The following PLXDC2 variants were observed in gnomAD, a reference collection of about 807,000 sequenced individuals.
PLXDC2 encodes the protein plexin domain-containing protein 2.
PLXDC2 carries 40 observed loss-of-function variants against 68.9 expected under a neutral mutation model. The ratio of observed to expected loss-of-function variants is 0.58; its 90% CI spans 0.45 to 0.76. The LOEUF (loss-of-function observed/expected upper bound fraction) is 0.76, where lower values mean the gene tolerates loss of function less well. PLXDC2 is among the 30% of genes least tolerant of loss of function. The pLI, the probability that PLXDC2 is intolerant of heterozygous loss-of-function variation, is 0.00. For synonymous variants in PLXDC2, 243 were observed against 234.2 expected (o/e 1.04, Z -0.34); for missense variants, 644 against 661.9 (o/e 0.97, Z 0.30).
chr10:20,093,462 A>G (rs1218288114), intron 4 of PLXDC2, among the ~76,000 whole-genome samples: 2 of 152,102 alleles, frequency 1.3e-5, no homozygotes, highest in African/African-American at 4.8e-5. Context: ...CTCCATAGGA[A>G]CTTTGGTTTC....
chr10:20,076,309 A>G (rs1836450102), intron 4 of PLXDC2, among the ~76,000 whole-genome samples: 1 of 152,236 alleles, frequency 6.6e-6, no homozygotes, highest in Non-Finnish European at 1.5e-5. Flanking sequence ...TTAGGCTTCC[A>G]GGTTAAGATA....
chr10:20,185,849 C>G (rs1158351337), intron 9 of PLXDC2, among the ~76,000 whole-genome samples: 1 of 151,846 alleles, frequency 6.6e-6, no homozygotes, highest in Admixed American at 6.6e-5. Context: ...CAACTTTAGG[C>G]TTATTTTAAT....
intron 1 of PLXDC2, among the ~76,000 whole-genome samples, chr10:19,817,628 C>T (rs1038385997): frequency 8.5e-5 from 13 of 152,150 alleles, no homozygotes; most frequent in Non-Finnish European, 1.6e-4. Flanking sequence ...GATTGCAGGT[C>T]TCCCCTCTGC....
At chr10:19,957,708 A>G (rs746014203) in intron 1 of PLXDC2, among the ~76,000 whole-genome samples, 3 of 152,098 alleles carry the variant, frequency 2.0e-5, no homozygotes, top group Non-Finnish European at 4.4e-5. Context: ...CACTGATTTG[A>G]TGGGCCCTTT....
At chr10:19,883,519 A>C (rs1490054053) in intron 1 of PLXDC2, among the ~76,000 whole-genome samples, 6 of 152,078 alleles carry the variant, frequency 3.9e-5, no homozygotes, top group Non-Finnish European at 5.9e-5. Context: ...TTCCTACATG[A>C]GTTTATAATG....
chr10:19,982,398 A>G (rs76946567), intron 1 of PLXDC2, among the ~76,000 whole-genome samples: 7,404 of 152,236 alleles, frequency 0.049, 194 homozygotes, highest in Non-Finnish European at 0.056. Flanking sequence ...ACACCTTCAC[A>G]GTCTTTCTTC....
At chr10:19,970,183 T>C (rs1834326755) in intron 1 of PLXDC2, among the ~76,000 whole-genome samples, 1 of 152,256 alleles carries the variant, frequency 6.6e-6, no homozygotes, top group South Asian at 2.1e-4. Context: ...CATTTTGCAT[T>C]ATTGGCTTTG....
intron 1 of PLXDC2, among the ~76,000 whole-genome samples, chr10:19,857,079 A>G (rs1837228187): frequency 6.6e-6 from 1 of 152,186 alleles, no homozygotes; most frequent in African/African-American, 2.4e-5. Context: ...TATTTTATTA[A>G]ACTTTCACAA....
At chr10:20,080,895 C>T (rs1304834706) in intron 4 of PLXDC2, among the ~76,000 whole-genome samples, 3 of 152,218 alleles carry the variant, frequency 2.0e-5, no homozygotes, top group Non-Finnish European at 1.5e-5. Flanking sequence ...TTGCTAATAA[C>T]ACTTAAAAGG....
intron 1 of PLXDC2, among the ~76,000 whole-genome samples, chr10:19,987,790 G>A (rs973278306): frequency 6.6e-6 from 1 of 151,788 alleles, no homozygotes; most frequent in African/African-American, 2.4e-5. Context: ...GGTCTCGATC[G>A]ATCTCCCGAC....
chr10:19,997,226 C>T (rs12765306), intron 1 of PLXDC2, among the ~76,000 whole-genome samples: 3,160 of 152,252 alleles, frequency 0.021, 52 homozygotes, highest in Non-Finnish European at 0.032. Flanking sequence ...TCTAGTTTAT[C>T]GACATACCTA....
At chr10:20,128,199 G>T (rs1234799848) in intron 4 of PLXDC2, among the ~76,000 whole-genome samples, 1 of 152,160 alleles carries the variant, frequency 6.6e-6, no homozygotes, top group African/African-American at 2.4e-5. Context: ...TCCTGGGGAT[G>T]ATCTCTCACC....
chr10:20,180,317 C>A (rs1403353139), intron 9 of PLXDC2, among the ~76,000 whole-genome samples: 3 of 152,018 alleles, frequency 2.0e-5, no homozygotes, highest in African/African-American at 4.8e-5. Flanking sequence ...ATTTTTAATT[C>A]TTCAGCAACC....
intron 1 of PLXDC2, among the ~76,000 whole-genome samples, chr10:19,888,180 C>T (rs1837884243): frequency 6.6e-6 from 1 of 152,136 alleles, no homozygotes; most frequent in South Asian, 2.1e-4. Context: ...CGGGCTATTG[C>T]TTTGCCAAAA....
chr10:19,949,569 G>A (rs1415362115), intron 1 of PLXDC2, among the ~76,000 whole-genome samples: 1 of 152,136 alleles, frequency 6.6e-6, no homozygotes, highest in Non-Finnish European at 1.5e-5. Flanking sequence ...TAACAAGAAT[G>A]GTGCTTGGTA....
chr10:19,855,292 C>T (rs944230365), intron 1 of PLXDC2, among the ~76,000 whole-genome samples: 51 of 152,092 alleles, frequency 3.4e-4, no homozygotes, highest in African/African-American at 1.2e-3. Flanking sequence ...AGGCTGGTGT[C>T]ATTTCAAATT....
chr10:20,082,467 A>G (rs530525025), intron 4 of PLXDC2, among the ~76,000 whole-genome samples: 2 of 145,804 alleles, frequency 1.4e-5, no homozygotes, highest in South Asian at 2.3e-4. Context: ...GCTGTTACAC[A>G]TATTAAATAA....
At chr10:19,993,915 G>C (rs1035095648) in intron 1 of PLXDC2, among the ~76,000 whole-genome samples, 1 of 152,160 alleles carries the variant, frequency 6.6e-6, no homozygotes. Context: ...TTGCATCTTG[G>C]CCATAGGCCT....
At chr10:20,188,451 T>TTG (rs1188146795) in intron 9 of PLXDC2, among the ~76,000 whole-genome samples, 1 of 151,824 alleles carries the variant, frequency 6.6e-6, no homozygotes, top group Non-Finnish European at 1.5e-5. Flanking sequence ...CAGATTGCTC[T>TTG]ACAGCTCACT....
Sources: allele counts gnomAD v4.1 joint callset (sites outside exome capture counted in the v4.1 genomes callset), GRCh38; gene constraint gnomAD v4.1.1; transcripts MANE v1.5; gene names NCBI Gene and HGNC (gene_info 2026-07-23, HGNC 2026-07-21).